STAG1: variants seen among roughly 807,000 people sequenced by gnomAD.
The protein encoded by STAG1 is cohesin subunit SA-1.
In STAG1, 26 loss-of-function variants were observed where a neutral mutation model predicts 170.9. That is an observed-to-expected ratio of 0.15 (90% CI 0.11 to 0.21). The LOEUF is 0.21. Ranked by LOEUF, STAG1 falls within the 10% of genes least tolerant of loss-of-function variation. The pLI is 1.00. For missense variants in STAG1, 964 were observed against 1,509.5 expected (o/e 0.64, Z 5.99); for synonymous variants, 514 against 497.7 (o/e 1.03, Z -0.44).
intron 7 of STAG1, among the ~76,000 whole-genome samples, chr3:136,507,715 CTA>C (rs1480234703): frequency 6.6e-6 from 1 of 152,040 alleles, no homozygotes; most frequent in Non-Finnish European, 1.5e-5. Flanking sequence ...CTACTCATCA[CTA>C]TTTTTTAATA....
intron 1 of STAG1, among the ~76,000 whole-genome samples, chr3:136,747,943 A>AT (rs1935031246): frequency 6.6e-6 from 1 of 151,072 alleles, no homozygotes; most frequent in African/African-American, 2.4e-5. Flanking sequence ...CACCCAGCTG[A>AT]TTTTTTCTAT....
intron 30 of STAG1, among the ~76,000 whole-genome samples, chr3:136,342,642 C>T (rs1366922633): frequency 6.6e-6 from 1 of 152,276 alleles, no homozygotes; most frequent in Non-Finnish European, 1.5e-5. Flanking sequence ...CCACCATACC[C>T]ATACATTTAT....
At chr3:136,422,639 G>A (rs372915239) in intron 18 of STAG1, 26 bp from the exon 19 acceptor site, 23 of 1,593,922 alleles carry the variant, frequency 1.4e-5, no homozygotes, top group Non-Finnish European at 2.0e-5. Flanking sequence ...AAGAAAAACT[G>A]TAATATTTAG....
At chr3:136,536,875 A>C (rs1363823165) in intron 6 of STAG1, among the ~76,000 whole-genome samples, 1 of 152,192 alleles carries the variant, frequency 6.6e-6, no homozygotes. Flanking sequence ...TACCTACCTC[A>C]CAAAAATATT....
At chr3:136,604,731 G>A (rs1353887965) in intron 3 of STAG1, among the ~76,000 whole-genome samples, 1 of 151,998 alleles carries the variant, frequency 6.6e-6, no homozygotes, top group South Asian at 2.1e-4. Context: ...GCTCACTGCA[G>A]CATCCTCCTC....
intron 1 of STAG1, among the ~76,000 whole-genome samples, chr3:136,695,449 A>T (rs1053025814): frequency 1.3e-5 from 2 of 152,070 alleles, no homozygotes; most frequent in East Asian, 3.9e-4. Flanking sequence ...AAAAAAAAAA[A>T]AGAGAGAGAC....
chr3:136,735,434 G>C (rs1166619043), intron 1 of STAG1, among the ~76,000 whole-genome samples: 1 of 150,544 alleles, frequency 6.6e-6, no homozygotes, highest in Non-Finnish European at 1.5e-5. Flanking sequence ...CCTTGCCTCT[G>C]CATTTTTTTT....
At chr3:136,477,034 G>T in intron 10 of STAG1, among the ~76,000 whole-genome samples, 1 of 152,008 alleles carries the variant, frequency 6.6e-6, no homozygotes, top group East Asian at 1.9e-4. Flanking sequence ...TTCTTTCTCT[G>T]AAAACTTTAT....
At chr3:136,690,598 T>C (rs1036825070) in intron 1 of STAG1, among the ~76,000 whole-genome samples, 6 of 152,192 alleles carry the variant, frequency 3.9e-5, no homozygotes, top group Non-Finnish European at 8.8e-5. Flanking sequence ...ATATCTGCTA[T>C]CTGTGTGTAT....
chr3:136,358,831 C>T (rs1936753087), intron 27 of STAG1, among the ~76,000 whole-genome samples: 1 of 152,088 alleles, frequency 6.6e-6, no homozygotes, highest in Admixed American at 6.6e-5. Context: ...GCTTTGGGCT[C>T]CCAAAGCACT....
chr3:136,716,757 C>T lies in STAG1; in HGVS notation c.-84+35438G>A, dbSNP rs73863915. The stretch of plus-strand genomic sequence containing the variant: ...TAAAAAAGGAGAGCAAAAACAACTG[C>T]ATTCCCTCCCTGATAAGACAACTGC... On this transcript the variant is annotated intron_variant, in intron 1 of 33. Transcript: ENST00000383202. Among the ~76,000 whole-genome samples, 607 of 152,354 alleles carry T rather than the reference C, an allele frequency of 4.0e-3. 7 individuals are homozygous for T. The highest frequency in any genetic ancestry group is 0.014 in the African/African-American group (590 of 41,596).
chr3:136,537,385 C>T (rs1478867121), intron 6 of STAG1, among the ~76,000 whole-genome samples: 1 of 152,004 alleles, frequency 6.6e-6, no homozygotes, highest in African/African-American at 2.4e-5. Context: ...GTTCAATACT[C>T]AAAGGAGCTG....
chr3:136,669,588 G>A (rs1229223793), intron 1 of STAG1, among the ~76,000 whole-genome samples: 2 of 152,048 alleles, frequency 1.3e-5, no homozygotes, highest in Non-Finnish European at 1.5e-5. Flanking sequence ...CCAACTCCTA[G>A]ACTCAAGTGA....
intron 15 of STAG1, among the ~76,000 whole-genome samples, chr3:136,442,194 T>C (rs535784125): frequency 6.6e-6 from 1 of 151,910 alleles, no homozygotes; most frequent in Non-Finnish European, 1.5e-5. Flanking sequence ...CAAGACTCAA[T>C]CACACACACA....
chr3:136,726,870 C>CA (rs1359603586), intron 1 of STAG1, among the ~76,000 whole-genome samples: 1 of 152,282 alleles, frequency 6.6e-6, no homozygotes, highest in East Asian at 1.9e-4. Flanking sequence ...CATGCAACAC[C>CA]ACTGTACTCT....
Position 136,336,540 on chromosome 3 carries a change from C to T in STAG1, c.*1714G>A, listed in dbSNP as rs958737522. On this transcript the variant is annotated 3_prime_UTR_variant, in exon 34 of 34. Transcript: ENST00000383202. Reference sequence around the variant, plus strand: ...GGGCACCTCATGGCTTGCTCCCTGGCCAAAACCACAGGCAGGCAGGGCTGG... The same window carrying T: ...GGGCACCTCATGGCTTGCTCCCTGGTCAAAACCACAGGCAGGCAGGGCTGG... 4.6e-5 allele frequency: 7 copies of T among 152,212 alleles called. No individual in the cohort carries two copies. Among genetic ancestry groups the T allele is most frequent in the Non-Finnish European group, 8.8e-5 (6 of 68,054 alleles). The allele number at this position is 152,212 out of a possible 1,614,324, so 9.4% of individuals were successfully genotyped here. A position where few individuals can be genotyped will look rare whatever the true frequency, so the allele number is the denominator to read the frequency against.
At chr3:136,401,846 G>C (rs535888238) in intron 21 of STAG1, among the ~76,000 whole-genome samples, 1 of 152,038 alleles carries the variant, frequency 6.6e-6, no homozygotes, top group African/African-American at 2.4e-5. Context: ...GGTGGGTTAA[G>C]CAGTTCTCCT....
intron 7 of STAG1, among the ~76,000 whole-genome samples, chr3:136,516,622 T>C (rs1336867316): frequency 6.6e-6 from 1 of 152,226 alleles, no homozygotes; most frequent in Non-Finnish European, 1.5e-5. Flanking sequence ...ATCTGTCATG[T>C]CTTATTACTT....
chr3:136,381,341 A>G (rs1937949148), intron 22 of STAG1, among the ~76,000 whole-genome samples: 1 of 152,216 alleles, frequency 6.6e-6, no homozygotes, highest in South Asian at 2.1e-4. Flanking sequence ...TTATGAAGAA[A>G]TCTAAGAAAT....
Sources: gnomAD v4.1 joint callset for allele counts (sites outside exome capture counted in the v4.1 genomes callset) on GRCh38, gnomAD v4.1.1 for gene constraint, MANE v1.5 for transcripts, NCBI Gene and HGNC (gene_info 2026-07-23, HGNC 2026-07-21) for gene names.